The following CERS3 variants were observed in gnomAD, a reference collection of about 807,000 sequenced individuals.
CERS3 encodes ceramide synthase 3.
In CERS3, 33 loss-of-function variants were observed where a neutral mutation model predicts 50.3. The ratio of observed to expected loss-of-function variants is 0.66; its 90% confidence interval spans 0.50 to 0.88. The LOEUF (loss-of-function observed/expected upper bound fraction) is 0.88, where lower values mean the gene tolerates loss of function less well. Ranked by LOEUF, CERS3 falls within the 40% of genes least tolerant of loss-of-function variation. CERS3 has a pLI of 0.00. For missense variants in CERS3, 470 were observed against 460.3 expected, an observed-to-expected ratio of 1.02 and a Z score of -0.19; for synonymous variants, 176 against 155.2, an observed-to-expected ratio of 1.13 and a Z score of -0.99.
intron 11 of CERS3, among the ~76,000 whole-genome samples, chr15:100,455,483 G>A (rs946454282): frequency 1.3e-5 from 2 of 152,112 alleles, no homozygotes; most frequent in African/African-American, 4.8e-5. Flanking sequence ...AACACTTAGA[G>A]ATGATAAATA....
chr15:100,484,276 C>T (rs1473192902), intron 5 of CERS3, among the ~76,000 whole-genome samples: 1 of 152,144 alleles, frequency 6.6e-6, no homozygotes, highest in Non-Finnish European at 1.5e-5. Flanking sequence ...CATAACATCT[C>T]CTGTTCATCT....
chr15:100,529,637 A>G (rs528903324), upstream of CERS3, among the ~76,000 whole-genome samples: 11 of 152,298 alleles, frequency 7.2e-5, no homozygotes, highest in Admixed American at 6.5e-4. Flanking sequence ...GTGTGGATGC[A>G]TTTTATAGTG....
intron 2 of CERS3, among the ~76,000 whole-genome samples, chr15:100,515,137 T>C (rs970059786): frequency 7.9e-5 from 12 of 152,226 alleles, no homozygotes; most frequent in African/African-American, 2.4e-4. Flanking sequence ...TTATAGTAAA[T>C]GTTTCATATA....
At chr15:100,404,789 A>G (rs961255452) in intron 11 of CERS3, among the ~76,000 whole-genome samples, 6 of 152,154 alleles carry the variant, frequency 3.9e-5, no homozygotes, top group African/African-American at 1.4e-4. Flanking sequence ...AGATCAGTGG[A>G]ACAGAATGGA....
chr15:100,543,528 T>C (rs1361088802), intron 1 of CERS3, among the ~76,000 whole-genome samples: 8 of 116,406 alleles, frequency 6.9e-5, no homozygotes, highest in African/African-American at 1.2e-4. Flanking sequence ...CTCCTTCCTT[T>C]CTTTCTTTTT....
chr15:100,449,259 T>A (rs1254066823), intron 11 of CERS3, among the ~76,000 whole-genome samples: 1 of 152,220 alleles, frequency 6.6e-6, no homozygotes, highest in African/African-American at 2.4e-5. Flanking sequence ...CCTGCAGGCC[T>A]GGGGACTGGC....
intron 11 of CERS3, among the ~76,000 whole-genome samples, chr15:100,427,499 T>C (rs1333226349): frequency 6.6e-6 from 1 of 152,168 alleles, no homozygotes; most frequent in Non-Finnish European, 1.5e-5. Flanking sequence ...GGTTAAAAGT[T>C]ATGCTGAGAC....
At position 100,489,581 on chromosome 15, in the gene CERS3, GTTCC is replaced by G. The variant is rs1567657001; in HGVS notation, c.288+1232_288+1235del. Reference sequence around the variant, plus strand: ...ATACAAAGTATTACTAAAGTTAGTTGTTCCCAAACAAAGAAGGATAATAAAGGAC... The same window carrying G: ...ATACAAAGTATTACTAAAGTTAGTTGCAAACAAAGAAGGATAATAAAGGAC... On this transcript the variant is annotated intron_variant, in intron 4 of 11. Transcript: ENST00000679737. 5.5e-3 allele frequency among the ~76,000 whole-genome samples: 841 copies of G among 152,224 alleles called. 8 individuals carry two copies. Among genetic ancestry groups the G allele is most frequent in the African/African-American group, 0.019 (785 of 41,518 alleles).
chr15:100,448,461 C>A (rs1272919985), intron 11 of CERS3, among the ~76,000 whole-genome samples: 1 of 152,190 alleles, frequency 6.6e-6, no homozygotes, highest in Non-Finnish European at 1.5e-5. Flanking sequence ...GCAATCCTAG[C>A]CACAGGAGAG....
chr15:100,420,309 G>A (rs1046108314), intron 11 of CERS3, among the ~76,000 whole-genome samples: 8 of 150,816 alleles, frequency 5.3e-5, no homozygotes, highest in African/African-American at 1.2e-4. Flanking sequence ...ACACCTCTAC[G>A]CAAATAAACT....
At chr15:100,541,971 T>C (rs766067870) in intron 1 of CERS3, among the ~76,000 whole-genome samples, 9 of 152,162 alleles carry the variant, frequency 5.9e-5, no homozygotes, top group African/African-American at 1.2e-4. Flanking sequence ...GGAGTAACCA[T>C]TAGAGGATAA....
chr15:100,442,784 G>A (rs1204544115), intron 11 of CERS3, among the ~76,000 whole-genome samples: 2 of 152,204 alleles, frequency 1.3e-5, no homozygotes, highest in Non-Finnish European at 2.9e-5. Flanking sequence ...GATCACCTCG[G>A]AAGCCCCCTA....
At chr15:100,445,514 T>C (rs2033897657) in intron 11 of CERS3, among the ~76,000 whole-genome samples, 1 of 152,142 alleles carries the variant, frequency 6.6e-6, no homozygotes. Context: ...CCTTCTCTTA[T>C]TCCGTTTAGT....
chr15:100,494,914 G>T (rs1214397426), intron 3 of CERS3, among the ~76,000 whole-genome samples: 1 of 152,204 alleles, frequency 6.6e-6, no homozygotes, highest in Non-Finnish European at 1.5e-5. Flanking sequence ...AGCCTTCAAT[G>T]CACATCTCAT....
chr15:100,488,424 A>G (rs981460742), intron 4 of CERS3, among the ~76,000 whole-genome samples: 3 of 152,174 alleles, frequency 2.0e-5, no homozygotes, highest in African/African-American at 7.2e-5. Context: ...AATCAGTACA[A>G]AACTGTTTTT....
At chr15:100,513,334 C>T (rs2036400279) in intron 2 of CERS3, among the ~76,000 whole-genome samples, 1 of 152,138 alleles carries the variant, frequency 6.6e-6, no homozygotes, top group Non-Finnish European at 1.5e-5. Context: ...AATGAGTCCA[C>T]CTCTGTCTGG....
At chr15:100,464,359 T>G (rs1361269868) in intron 10 of CERS3, among the ~76,000 whole-genome samples, 1 of 152,198 alleles carries the variant, frequency 6.6e-6, no homozygotes, top group Non-Finnish European at 1.5e-5. Flanking sequence ...CTGAAAGGCA[T>G]GAGCTGGGTC....
At chr15:100,415,016 A>C (rs2031790273) in intron 11 of CERS3, among the ~76,000 whole-genome samples, 1 of 152,214 alleles carries the variant, frequency 6.6e-6, no homozygotes. Context: ...GAATGGGAGA[A>C]AATTTTTGCA....
chr15:100,514,603 T>G (rs926066605), intron 2 of CERS3, among the ~76,000 whole-genome samples: 2 of 152,306 alleles, frequency 1.3e-5, no homozygotes, highest in African/African-American at 4.8e-5. Context: ...ACATTTGAAA[T>G]ATTAACTCCA....
Sources: allele counts gnomAD v4.1 joint callset (sites outside exome capture counted in the v4.1 genomes callset), GRCh38; gene constraint gnomAD v4.1.1; transcripts MANE v1.5; gene names NCBI Gene and HGNC (gene_info 2026-07-23, HGNC 2026-07-21).